The following TAS2R1 variants were observed in gnomAD, a reference collection of about 807,000 sequenced individuals.
TAS2R1 encodes taste 2 receptor member 1, also known as taste receptor type 2 member 1.
For synonymous variants in TAS2R1, 141 were observed against 134.2 expected (o/e 1.05, Z -0.35); for missense variants, 370 against 353.4 (o/e 1.05, Z -0.38).
the TAS2R1 span, among the ~76,000 whole-genome samples, chr5:9,839,412 C>G: frequency 6.6e-6 from 1 of 152,124 alleles, no homozygotes; most frequent in East Asian, 1.9e-4. Flanking sequence ...TCTTTTATAA[C>G]GACAAGCAGA....
the TAS2R1 span, among the ~76,000 whole-genome samples, chr5:9,797,566 C>T: frequency 1.1e-4 from 17 of 152,268 alleles, no homozygotes; most frequent in East Asian, 2.5e-3. Context: ...GCCGAGGAAT[C>T]AGGAACAATT....
chr5:9,787,408 A>G, the TAS2R1 span, among the ~76,000 whole-genome samples: 4 of 152,198 alleles, frequency 2.6e-5, no homozygotes, highest in East Asian at 7.7e-4. Context: ...TGTACTTATT[A>G]TCAAAAACCA....
chr5:9,835,592 A>C, the TAS2R1 span, among the ~76,000 whole-genome samples: 1 of 152,260 alleles, frequency 6.6e-6, no homozygotes, highest in African/African-American at 2.4e-5. Flanking sequence ...ACCATGAATG[A>C]CATCATACAG....
At chr5:9,868,349 C>A in the TAS2R1 span, among the ~76,000 whole-genome samples, 1 of 152,238 alleles carries the variant, frequency 6.6e-6, no homozygotes, top group Non-Finnish European at 1.5e-5. Flanking sequence ...GGTTCCGAAT[C>A]CTCAATTCTT....
the TAS2R1 span, among the ~76,000 whole-genome samples, chr5:9,857,570 C>G: frequency 6.6e-6 from 1 of 152,056 alleles, no homozygotes; most frequent in Non-Finnish European, 1.5e-5. Flanking sequence ...TATACCCGAG[C>G]TTAAAAGTTG....
chr5:9,832,874 A>G, the TAS2R1 span, among the ~76,000 whole-genome samples: 1 of 152,240 alleles, frequency 6.6e-6, no homozygotes, highest in African/African-American at 2.4e-5. Context: ...TGACAGTGAC[A>G]CAGCCTCAGG....
the TAS2R1 span, among the ~76,000 whole-genome samples, chr5:9,851,554 A>T: frequency 6.6e-6 from 1 of 151,778 alleles, no homozygotes; most frequent in Non-Finnish European, 1.5e-5. Flanking sequence ...CCAAACTCTA[A>T]AATATCCATG....
In TAS2R1 at chr5:9,657,623, C is replaced by A. The variant is rs201778519; in HGVS notation, c.-81+1798G>T. ...ATGCTACAACATGGAGGACATTAAGCTGAGTGAAACAACCCAGACTCATGA... is the reference window on the plus strand; with the variant it reads ...ATGCTACAACATGGAGGACATTAAGATGAGTGAAACAACCCAGACTCATGA... On this transcript the variant is annotated intron_variant, in intron 2 of 2. Coordinates refer to the TAS2R1 transcript ENST00000506620. Among the ~76,000 whole-genome samples the A allele has an allele frequency of 6.6e-5, 10 of 152,248 alleles. No individual in the cohort carries two copies. In the East Asian group the frequency reaches 1.7e-3, roughly 26 times the overall value.
At chr5:9,745,086 G>C in the TAS2R1 span, among the ~76,000 whole-genome samples, 1 of 152,186 alleles carries the variant, frequency 6.6e-6, no homozygotes, top group South Asian at 2.1e-4. Context: ...GTGGAAAAAG[G>C]CTGCGGGCAG....
the TAS2R1 span, chr5:9,765,461 G>A: frequency 6.6e-6 from 1 of 150,804 alleles, no homozygotes; most frequent in African/African-American, 2.4e-5. Context: ...GGTCAAATCT[G>A]TATACATACA....
chr5:9,798,071 CGAGA>C, the TAS2R1 span, among the ~76,000 whole-genome samples: 28 of 152,196 alleles, frequency 1.8e-4, no homozygotes, highest in Middle Eastern at 3.4e-3. Flanking sequence ...TAAAAGGGAA[CGAGA>C]ACATAAATGA....
the TAS2R1 span, among the ~76,000 whole-genome samples, chr5:9,763,498 C>T: frequency 3.3e-5 from 5 of 149,598 alleles, no homozygotes; most frequent in Non-Finnish European, 7.4e-5. Flanking sequence ...AGCGAGACTC[C>T]ATCTCAAAAA....
intron 2 of TAS2R1, among the ~76,000 whole-genome samples, chr5:9,648,439 C>T (rs1740239723): frequency 6.6e-6 from 1 of 151,924 alleles, no homozygotes; most frequent in Non-Finnish European, 1.5e-5. Flanking sequence ...AAGAAGAGGA[C>T]ATATGAATGT....
chr5:9,705,645 G>A (rs945270625), intron 1 of TAS2R1, among the ~76,000 whole-genome samples: 2 of 152,164 alleles, frequency 1.3e-5, no homozygotes, highest in African/African-American at 4.8e-5. Context: ...GAACAACTGA[G>A]ATCAGGAGCT....
chr5:9,631,814 C>G (rs1162011660), upstream of TAS2R1, among the ~76,000 whole-genome samples: 2 of 152,146 alleles, frequency 1.3e-5, no homozygotes, highest in East Asian at 3.9e-4. Context: ...TTTTATGGCT[C>G]TTCTCTGAAT....
At chr5:9,681,041 G>C (rs759080658) in intron 1 of TAS2R1, among the ~76,000 whole-genome samples, 5 of 152,062 alleles carry the variant, frequency 3.3e-5, no homozygotes, top group Non-Finnish European at 7.4e-5. Context: ...CAGCCTGGGT[G>C]ACAGAGAGAG....
chr5:9,847,962 C>G, the TAS2R1 span, among the ~76,000 whole-genome samples: 1 of 152,188 alleles, frequency 6.6e-6, no homozygotes, highest in African/African-American at 2.4e-5. Context: ...TGGGCTCTAC[C>G]TCAGACTTAC....
chr5:9,833,686 G>T, the TAS2R1 span, among the ~76,000 whole-genome samples: 1 of 152,122 alleles, frequency 6.6e-6, no homozygotes, highest in Admixed American at 6.5e-5. Context: ...CACCCCATCA[G>T]ATTAGGCAAA....
chr5:9,736,513 T>C, the TAS2R1 span, among the ~76,000 whole-genome samples: 1 of 152,342 alleles, frequency 6.6e-6, no homozygotes, highest in African/African-American at 2.4e-5. Context: ...TTTCATGTTC[T>C]ACACTTTCTC....
Sources: gnomAD v4.1 joint callset for allele counts (sites outside exome capture counted in the v4.1 genomes callset) on GRCh38, gnomAD v4.1.1 for gene constraint, MANE v1.5 for transcripts, NCBI Gene and HGNC (gene_info 2026-07-23, HGNC 2026-07-21) for gene names.